The following PLEKHA8 variants were observed in gnomAD, a reference collection of about 807,000 sequenced individuals.
PLEKHA8 encodes pleckstrin homology domain containing A8, also known as pleckstrin homology domain-containing family A member 8.
In PLEKHA8, 36 loss-of-function variants were observed where a neutral mutation model predicts 68.2. That is an observed-to-expected ratio of 0.53 (90% CI 0.40 to 0.70). The LOEUF (loss-of-function observed/expected upper bound fraction) is 0.70. Ranked by LOEUF, PLEKHA8 falls within the 30% of genes least tolerant of loss-of-function variation. The pLI is 0.00. For synonymous variants in PLEKHA8, 211 were observed against 216.1 expected, an observed-to-expected ratio of 0.98 and a Z score of 0.20; for missense variants, 505 against 615.4, an observed-to-expected ratio of 0.82 and a Z score of 1.90.
chr7:30,060,211 G>A (rs1289813758), intron 9 of PLEKHA8, among the ~76,000 whole-genome samples: 1 of 152,188 alleles, frequency 6.6e-6, no homozygotes, highest in Non-Finnish European at 1.5e-5. Flanking sequence ...GGAGGCTGAG[G>A]TGGGCAGATG....
chr7:30,077,813 A>G (rs541795790), intron 13 of PLEKHA8, among the ~76,000 whole-genome samples: 1 of 152,302 alleles, frequency 6.6e-6, no homozygotes, highest in African/African-American at 2.4e-5. Context: ...GCCAGAAAAC[A>G]GATTTTAGCA....
intron 7 of PLEKHA8, 41 bp downstream of exon 7, chr7:30,052,907 T>A: frequency 6.6e-7 from 1 of 1,505,294 alleles, no homozygotes; most frequent in Non-Finnish European, 8.9e-7. Context: ...CAATTTTAGA[T>A]GATAGAAAAT....
chr7:30,056,466 C>T (rs1028046291), intron 9 of PLEKHA8, among the ~76,000 whole-genome samples: 1 of 147,040 alleles, frequency 6.8e-6, no homozygotes. Flanking sequence ...CAGTGGCTCA[C>T]GCCTGTAATC....
At chr7:30,127,800 A>G (rs1282768858) in intron 13 of PLEKHA8, among the ~76,000 whole-genome samples, 1 of 152,224 alleles carries the variant, frequency 6.6e-6, no homozygotes, top group Non-Finnish European at 1.5e-5. Context: ...ATATTAACCA[A>G]TTTTACATCT....
At chr7:30,091,820 G>A (rs1366534677), downstream of PLEKHA8, among the ~76,000 whole-genome samples, 1 of 152,228 alleles carries the variant, frequency 6.6e-6, no homozygotes, top group Non-Finnish European at 1.5e-5. Flanking sequence ...GTTTGGAAAT[G>A]AAATGTCAAT....
At chr7:30,123,646 C>CG (rs1233586879) in intron 13 of PLEKHA8, among the ~76,000 whole-genome samples, 2 of 152,034 alleles carry the variant, frequency 1.3e-5, no homozygotes, top group Non-Finnish European at 2.9e-5. Context: ...TTTTTGAGCT[C>CG]TGAGAAATTA....
At chr7:30,075,494 G>A (rs1019391888) in intron 13 of PLEKHA8, among the ~76,000 whole-genome samples, 1 of 152,178 alleles carries the variant, frequency 6.6e-6, no homozygotes, top group Admixed American at 6.5e-5. Flanking sequence ...CCAAGTACCA[G>A]AGTGAGGCTA....
chr7:30,067,797 G>A (rs1793963417), intron 12 of PLEKHA8, among the ~76,000 whole-genome samples: 1 of 152,166 alleles, frequency 6.6e-6, no homozygotes, highest in Admixed American at 6.5e-5. Flanking sequence ...GTGGCTTGTA[G>A]TCCTGGCTCA....
intron 12 of PLEKHA8, among the ~76,000 whole-genome samples, chr7:30,067,554 G>A (rs549283848): frequency 6.6e-6 from 1 of 152,290 alleles, no homozygotes; most frequent in South Asian, 2.1e-4. Flanking sequence ...ATACAGTTAA[G>A]TGCCCACGTG....
At chr7:30,056,867 TTA>T (rs1426695267) in intron 9 of PLEKHA8, among the ~76,000 whole-genome samples, 3 of 146,146 alleles carry the variant, frequency 2.1e-5, no homozygotes, top group African/African-American at 5.0e-5. Context: ...ATCTGAAAAT[TTA>T]TATGTAACAT....
In PLEKHA8 at chr7:30,074,118, C is replaced by T. The variant is rs764825246; in HGVS notation, c.1348C>T (p.Arg450Ter). ...GCGGCAACACCATGGCTGGGTAGTT[C>T]GAGGGGTTTTTGCGGTAAGTGATCC... ...TLRQHHGWVV[R>*]GVFALALRAA... The change falls in exon 13 of 14, where the codon CGA becomes TGA. Residue 450 changes from arginine (R) to a stop codon, truncating the protein, a stop_gained. Transcript: ENST00000449726. LOFTEE classifies it high-confidence loss of function. 7 of 1,612,778 alleles carry T rather than the reference C, an allele frequency of 4.3e-6. No homozygotes were observed. Among genetic ancestry groups the T allele is most frequent in the Admixed American group, 1.7e-5 (1 of 59,934 alleles).
Position 30,083,416 on chromosome 7 carries a change from A to G in PLEKHA8, c.*4629A>G, listed in dbSNP as rs1583450182. 2 of 985,092 alleles carry G rather than the reference A, an allele frequency of 2.0e-6. No individual in the cohort carries two copies. Among genetic ancestry groups the G allele is most frequent in the Non-Finnish European group, 2.4e-6 (2 of 829,626 alleles). The allele number at this position is 985,092 out of a possible 1,614,324, so 61.0% of individuals were successfully genotyped here. On this transcript the variant is annotated 3_prime_UTR_variant, in exon 14 of 14. Transcript: ENST00000449726. ...AGGAGTTCTTTCAACAATTCCATAA[A>G]TATACTGTTTACTAGACCTTCCCTG...
At position 30,036,407 on chromosome 7, in the gene PLEKHA8, A is replaced by AATAGATAG. The variant is rs55904639; in HGVS notation, c.40+7656_40+7663dup. Among the ~76,000 whole-genome samples, 802 of 143,410 alleles carry AATAGATAG rather than the reference A, an allele frequency of 5.6e-3. 2 individuals are homozygous for AATAGATAG. The highest frequency in any genetic ancestry group is 8.1e-3 in the African/African-American group (305 of 37,840). The allele number at this position is 143,410 out of a possible 152,430, so 94.1% of individuals were successfully genotyped here. On this transcript the variant is annotated intron_variant, in intron 1 of 13. Transcript: ENST00000449726. The stretch of plus-strand genomic sequence containing the variant: ...GTCTCAGGTAGATAGGATAGGATAG[A>AATAGATAG]ATAGATAGATAGATAGATAGATAGA...
Position 30,108,089 on chromosome 7 carries a change from AAAAC to A in PLEKHA8, c.1363-21176_1363-21173del, listed in dbSNP as rs1386141597. Among the ~76,000 whole-genome samples, 10 of 151,382 alleles carry A rather than the reference AAAAC, an allele frequency of 6.6e-5. No homozygotes were observed. The East Asian group carries it at 9.7e-4, about 15-fold the overall frequency. ...TCTCAAAAAAAAAAAAAAAAAAAAA[AAAAC>A]CTACATTCATTGACATGATCATAAG... On this transcript the variant is annotated intron_variant, in intron 13 of 13. Transcript: ENST00000396257.
chr7:30,083,954 A>G lies in PLEKHA8; in HGVS notation c.*5167A>G. ...TCAGTGTTGATAGGAAGGATGCTCT[A>G]GAAGTACTTCTGTTGTTTCCTAGAA... On this transcript the variant is annotated 3_prime_UTR_variant, in exon 14 of 14. Coordinates refer to ENST00000449726, the MANE Select transcript of PLEKHA8 (RefSeq NM_001197026.2). 3.0e-6 allele frequency: 3 copies of G among 985,444 alleles called. No homozygotes were observed. Among genetic ancestry groups the G allele is most frequent in the Non-Finnish European group, 3.6e-6 (3 of 829,884 alleles). 61.0% of individuals were successfully genotyped at this position (985,444 alleles called of 1,614,324 possible).
chr7:30,056,278 T>TTCTCTCTCTCTCTCTCTCTC (rs761685260), intron 9 of PLEKHA8, among the ~76,000 whole-genome samples: 16 of 56,408 alleles, frequency 2.8e-4, no homozygotes, highest in South Asian at 1.8e-3. Flanking sequence ...TAAAGATATA[T>TTCTCTCTCTCTCTCTCTCTC]TCTCTCTCTC....
chr7:30,115,979 TGC>T lies in PLEKHA8; in HGVS notation c.1363-13286_1363-13285del, dbSNP rs1562558633. The T allele has an allele frequency of 3.0e-4, 41 of 136,066 alleles. 1 individual carries two copies. The highest frequency in any genetic ancestry group is 9.2e-4 in the African/African-American group (35 of 38,016). 8.4% of individuals were successfully genotyped at this position (136,066 alleles called of 1,614,324 possible). A position where few individuals can be genotyped will look rare whatever the true frequency, so the allele number is the denominator to read the frequency against. ...ACATGCATGCATACATGTGCATGCATGCATGTATGCATACGCATACATACGCA... is the reference window on the plus strand; with the variant it reads ...ACATGCATGCATACATGTGCATGCATATGTATGCATACGCATACATACGCA... On this transcript the variant is annotated intron_variant, in intron 13 of 13. Transcript: ENST00000396257.
At chr7:30,031,377 A>T (rs1790649117) in intron 1 of PLEKHA8, among the ~76,000 whole-genome samples, 1 of 152,222 alleles carries the variant, frequency 6.6e-6, no homozygotes, top group Non-Finnish European at 1.5e-5. Flanking sequence ...AGCTGTTAAT[A>T]GTTCGCTGGA....
At chr7:30,053,188 T>C (rs1489498786) in intron 7 of PLEKHA8, among the ~76,000 whole-genome samples, 1 of 152,230 alleles carries the variant, frequency 6.6e-6, no homozygotes, top group Non-Finnish European at 1.5e-5. Context: ...TACGTAACAG[T>C]GTGTAAAATT....
Sources: gnomAD v4.1 joint callset for allele counts (sites outside exome capture counted in the v4.1 genomes callset) on GRCh38, gnomAD v4.1.1 for gene constraint, MANE v1.5 for transcripts, NCBI Gene and HGNC (gene_info 2026-07-23, HGNC 2026-07-21) for gene names.